Variants in UPK1A observed in about 807,000 individuals in gnomAD.
The protein encoded by UPK1A is uroplakin 1A, also known as uroplakin-1a.
Under a neutral mutation model 32.3 loss-of-function variants are expected in UPK1A, and 31 were observed. That is an observed-to-expected ratio of 0.96 (90% CI 0.72 to 1.30). UPK1A has a LOEUF of 1.30. Ranked by LOEUF, UPK1A falls within the 50% of genes most tolerant of loss-of-function variation. The pLI, the probability that UPK1A is intolerant of heterozygous loss-of-function variation, is 0.00. For missense variants in UPK1A, 340 were observed against 357.4 expected (o/e 0.95, Z 0.39); for synonymous variants, 135 against 137.1 (o/e 0.98, Z 0.11).
intron 1 of UPK1A, 51 bp from the exon 2 acceptor site, chr19:35,666,758 G>A (rs1568346001): frequency 2.5e-6 from 4 of 1,581,196 alleles, no homozygotes; most frequent in Non-Finnish European, 3.5e-6. Flanking sequence ...GAGATGGGGG[G>A]TCCGGCTGGC....
At chr19:35,673,205 C>A (rs1021594030) in intron 3 of UPK1A, 27 bp from the exon 4 acceptor site, 3 of 1,611,882 alleles carry the variant, frequency 1.9e-6, no homozygotes, top group Non-Finnish European at 2.5e-6. Context: ...CTCTGCCCGA[C>A]GGGCCGTCCT....
In UPK1A at chr19:35,676,027, C is replaced by T. The variant is rs770021966; in HGVS notation, c.648+8C>T. The T allele has an allele frequency of 1.1e-5, 18 of 1,610,150 alleles. No individual in the cohort carries two copies. The highest frequency in any genetic ancestry group is 4.0e-5 in the African/African-American group (3 of 74,866). ...GACTACCTGTTCACCAAGGTGTGGC[C>T]GTCTGCCCTGCTCCATCTGTCTATC... On this transcript the variant is annotated splice_region_variant and intron_variant, in intron 6 of 7. Transcript: ENST00000617999.
At chr19:35,668,292 C>A in intron 2 of UPK1A, 162 bp from the exon 3 acceptor site, 1 of 818,794 alleles carries the variant, frequency 1.2e-6, no homozygotes, top group South Asian at 1.6e-5. Flanking sequence ...TCTCTCCTGG[C>A]CTCTGCTCAC....
chr19:35,673,730 A>G (rs1968139559), intron 5 of UPK1A, among the ~76,000 whole-genome samples, 185 bp downstream of exon 5: 1 of 152,128 alleles, frequency 6.6e-6, no homozygotes, highest in Non-Finnish European at 1.5e-5. Context: ...AGAAAGGGAA[A>G]GTCCCTTGCC....
intron 2 of UPK1A, chr19:35,668,129 G>T: frequency 2.4e-6 from 1 of 417,024 alleles, no homozygotes; most frequent in Non-Finnish European, 4.5e-6. Context: ...CCCCTCCTCG[G>T]GGAATAACAG....
exon 4 of UPK1A, chr19:35,673,249 C>T (rs776352867): frequency 1.2e-6 from 2 of 1,614,116 alleles, no homozygotes; most frequent in South Asian, 1.1e-5. Context: ...TGCTCATGCT[C>T]ATCGTCTACA....
chr19:35,668,660 A>C lies in UPK1A; in HGVS notation c.285+6A>C. The C allele has an allele frequency of 6.2e-7, 1 of 1,609,296 alleles. No homozygotes were observed. The highest frequency in any genetic ancestry group is 8.5e-7 in the Non-Finnish European group (1 of 1,178,028). On this transcript the variant is annotated splice_donor_region_variant and intron_variant, in intron 3 of 7. Coordinates refer to ENST00000617999, the Ensembl canonical transcript of UPK1A. ...GCCGGTCCATGGTCCTCACGGTGAGACTCCAGGGGTTGGGGGATGGGGACA... is the reference window on the plus strand; with the variant it reads ...GCCGGTCCATGGTCCTCACGGTGAGCCTCCAGGGGTTGGGGGATGGGGACA...
rs1010282746 is a variant in UPK1A at position 35,673,375 on chromosome 19, G to A, written c.361-63G>A. ...GGGGCGAGGGTCCCGGCGCGGCGGG[G>A]CGGAGGTCGTCCTCTCTCCCCACCC... On this transcript the variant is annotated intron_variant, in intron 4 of 7. Transcript: ENST00000617999. The A allele has an allele frequency of 2.5e-6, 4 of 1,611,236 alleles. No individual in the cohort carries two copies. In the African/African-American group the frequency reaches 4.0e-5, roughly 16 times the overall value.
At chr19:35,678,270 C>G (rs998575499) in exon 8 of UPK1A, 1 of 412,780 alleles carries the variant, frequency 2.4e-6, no homozygotes, top group Admixed American at 3.8e-5. Flanking sequence ...ATCCCACCTC[C>G]CATTCACAGA....
At chr19:35,671,212 T>G (rs1968091208) in intron 3 of UPK1A, among the ~76,000 whole-genome samples, 1 of 151,008 alleles carries the variant, frequency 6.6e-6, no homozygotes, top group Non-Finnish European at 1.5e-5. Flanking sequence ...CACGGTGAAA[T>G]CCCGTCTTTA....
chr19:35,678,301 G>A, exon 8 of UPK1A: 1 of 360,484 alleles, frequency 2.8e-6, no homozygotes, highest in Non-Finnish European at 5.0e-6. Context: ...GTAGCTCTCT[G>A]ACCTCCTCCT....
chr19:35,673,479 C>G, exon 5 of UPK1A: 1 of 1,613,602 alleles, frequency 6.2e-7, no homozygotes, highest in South Asian at 1.1e-5. Flanking sequence ...AGATGCTGAC[C>G]TTCTACAGCG....
chr19:35,678,104 T>G, exon 8 of UPK1A: 1 of 1,438,212 alleles, frequency 7.0e-7, no homozygotes, highest in Non-Finnish European at 9.3e-7. Flanking sequence ...GATGGCTGCC[T>G]CACCTCTCAC....
At chr19:35,666,536 A>G in exon 1 of UPK1A, 1 of 458,608 alleles carries the variant, frequency 2.2e-6, no homozygotes, top group Non-Finnish European at 4.0e-6. Flanking sequence ...GCAGACAGAG[A>G]AGGTGAGGAG....
chr19:35,677,469 T>C (rs1385788458), intron 6 of UPK1A, among the ~76,000 whole-genome samples: 2 of 150,392 alleles, frequency 1.3e-5, no homozygotes, highest in African/African-American at 2.5e-5. Context: ...AAGGTTTCAG[T>C]GAGCCGAGAT....
chr19:35,668,854 T>C (rs369881157), intron 3 of UPK1A, among the ~76,000 whole-genome samples, 200 bp downstream of exon 3: 1 of 151,430 alleles, frequency 6.6e-6, no homozygotes, highest in South Asian at 2.1e-4. Flanking sequence ...TTTTCTTTTT[T>C]TTTTTTTTGG....
intron 4 of UPK1A, 28 bp downstream of exon 4, chr19:35,673,334 C>T (rs540523728): frequency 6.2e-7 from 1 of 1,613,530 alleles, no homozygotes; most frequent in African/African-American, 1.3e-5. Flanking sequence ...TGGGGAGGGG[C>T]CTGACCTGCA....
intron 5 of UPK1A, among the ~76,000 whole-genome samples, chr19:35,674,241 CTTT>C (rs35857173): frequency 2.0e-5 from 2 of 98,982 alleles, no homozygotes; most frequent in East Asian, 3.3e-4. Context: ...TTCTTTTTAT[CTTT>C]TTTTTTTTTT....
At chr19:35,667,493 C>T (rs147385343) in intron 2 of UPK1A, among the ~76,000 whole-genome samples, 6,116 of 145,894 alleles carry the variant, frequency 0.042, 212 homozygotes, top group Middle Eastern at 0.083. Flanking sequence ...CCACCACGCC[C>T]GGCTAATTTT....
Sources: allele counts gnomAD v4.1 joint callset (sites outside exome capture counted in the v4.1 genomes callset), GRCh38; gene constraint gnomAD v4.1.1; transcripts MANE v1.5; gene names NCBI Gene and HGNC (gene_info 2026-07-23, HGNC 2026-07-21).